WDFY3: variants seen among roughly 807,000 people sequenced by gnomAD.
WDFY3 encodes WD repeat and FYVE domain containing 3.
A neutral mutation model predicts 409.6 loss-of-function variants in WDFY3; 66 were observed. That is an observed-to-expected ratio of 0.16 (90% CI 0.13 to 0.20). The LOEUF is 0.20. Ranked by LOEUF, WDFY3 falls within the 10% of genes least tolerant of loss-of-function variation. WDFY3 has a pLI of 1.00. For synonymous variants in WDFY3, 1,521 were observed against 1,537.1 expected, an observed-to-expected ratio of 0.99 and a Z score of 0.25; for missense variants, 3,031 against 4,298.1, an observed-to-expected ratio of 0.71 and a Z score of 8.24.
In WDFY3 at chr4:84,892,811, T is replaced by C. The variant is rs576020201; in HGVS notation, c.-32+4100A>G. On this transcript the variant is annotated intron_variant, in intron 3 of 67. Transcript: ENST00000295888. The stretch of plus-strand genomic sequence containing the variant: ...AAAATAAACAAAGAAATCAATTATG[T>C]CTGATGGTTATGAAAATAATTCAGT... Among the ~76,000 whole-genome samples the C allele has an allele frequency of 3.3e-5, 5 of 152,332 alleles. No homozygotes were observed. The East Asian group carries it at 9.6e-4, about 29-fold the overall frequency.
chr4:84,721,653 T>TAC, intron 46 of WDFY3, 81 bp from the exon 47 acceptor site: 1 of 1,513,072 alleles, frequency 6.6e-7, no homozygotes, highest in Non-Finnish European at 8.8e-7. Flanking sequence ...TAGTTCCTTC[T>TAC]ATAGATTTCC....
intron 2 of WDFY3, among the ~76,000 whole-genome samples, chr4:84,898,566 C>T (rs1765941432): frequency 6.6e-6 from 1 of 152,164 alleles, no homozygotes; most frequent in Admixed American, 6.5e-5. Context: ...GTCTTCCCAC[C>T]TCCCTGATGT....
At chr4:84,891,656 T>G (rs1055656507) in intron 3 of WDFY3, among the ~76,000 whole-genome samples, 7 of 152,126 alleles carry the variant, frequency 4.6e-5, no homozygotes, top group African/African-American at 1.7e-4. Context: ...AAATAAAAAA[T>G]TATATAATGG....
chr4:84,893,351 A>G (rs758304821), intron 3 of WDFY3, among the ~76,000 whole-genome samples: 74 of 152,122 alleles, frequency 4.9e-4, no homozygotes, highest in Admixed American at 2.7e-3. Context: ...ATACTTCCCA[A>G]TTTGCTTCAA....
In WDFY3 at chr4:84,733,625, C is replaced by T; in HGVS notation, c.6994-16G>A. The T allele has an allele frequency of 1.3e-6, 2 of 1,589,936 alleles. No individual in the cohort carries two copies. Among genetic ancestry groups the T allele is most frequent in the Non-Finnish European group, 1.7e-6 (2 of 1,167,770 alleles). On this transcript the variant is annotated splice_polypyrimidine_tract_variant and intron_variant, in intron 43 of 67. Coordinates refer to ENST00000295888, the MANE Select transcript of WDFY3 (RefSeq NM_014991.6). ...TCTGCTGACGCTGACAGGAAAGAGT[C>T]CAGGTCGGTTTTCAAGCAAAAGCAG...
intron 47 of WDFY3, 82 bp downstream of exon 47, chr4:84,721,327 C>T: frequency 6.5e-7 from 1 of 1,541,024 alleles, no homozygotes; most frequent in East Asian, 2.3e-5. Context: ...ATTTACTTTC[C>T]ACAGCTACCC....
chr4:84,932,702 A>G (rs1328482620), intron 1 of WDFY3, among the ~76,000 whole-genome samples: 1 of 152,316 alleles, frequency 6.6e-6, no homozygotes, highest in Admixed American at 6.5e-5. Context: ...CTTCCAGTCC[A>G]GTACTCATTT....
chr4:84,808,195 C>T, intron 15 of WDFY3, 139 bp downstream of exon 15: 1 of 694,926 alleles, frequency 1.4e-6, no homozygotes. Flanking sequence ...CCCCCCAAAA[C>T]CCCAAAAGTA....
At chr4:84,825,173 T>C (rs1196300106) in intron 10 of WDFY3, among the ~76,000 whole-genome samples, 1 of 152,100 alleles carries the variant, frequency 6.6e-6, no homozygotes, top group South Asian at 2.1e-4. Flanking sequence ...TATTACAAAA[T>C]TAAATTGTTG....
intron 60 of WDFY3, 146 bp downstream of exon 60, chr4:84,691,485 A>AAAT: frequency 1.2e-6 from 1 of 822,714 alleles, no homozygotes; most frequent in Non-Finnish European, 1.9e-6. Flanking sequence ...TCCTTTCCCC[A>AAAT]AATAGGAAAG....
chr4:84,933,836 G>A (rs992147928), intron 1 of WDFY3, among the ~76,000 whole-genome samples: 2 of 152,122 alleles, frequency 1.3e-5, no homozygotes, highest in South Asian at 2.1e-4. Context: ...TTTCATCTAT[G>A]TTGTTGCAAA....
intron 64 of WDFY3, 101 bp from the exon 65 acceptor site, chr4:84,679,343 A>G (rs1726924359): frequency 4.2e-6 from 5 of 1,182,994 alleles, no homozygotes; most frequent in Non-Finnish European, 5.6e-6. Context: ...AAGCCTCTAT[A>G]GACATAATAT....
At chr4:84,825,867 T>C (rs1010323368) in intron 10 of WDFY3, among the ~76,000 whole-genome samples, 4 of 152,114 alleles carry the variant, frequency 2.6e-5, no homozygotes, top group African/African-American at 9.7e-5. Flanking sequence ...ATAAAAACTA[T>C]TAGAGGCCTC....
chr4:84,831,398 TAA>T lies in WDFY3; in HGVS notation c.769+13_769+14del. The T allele has an allele frequency of 1.3e-6, 2 of 1,541,618 alleles. No individual in the cohort carries two copies. The highest frequency in any genetic ancestry group is 1.8e-6 in the Non-Finnish European group (2 of 1,142,324). On this transcript the variant is annotated intron_variant, in intron 8 of 67. Transcript: ENST00000295888. Reference sequence around the variant, plus strand: ...AAGAAATTTAGAACACTTAAATATATAAAGAGATATTCACCATGAATATACTT... The same window carrying T: ...AAGAAATTTAGAACACTTAAATATATAGAGATATTCACCATGAATATACTT...
intron 1 of WDFY3, among the ~76,000 whole-genome samples, chr4:84,955,077 C>T (rs933677704): frequency 8.6e-5 from 13 of 152,028 alleles, no homozygotes; most frequent in Non-Finnish European, 1.5e-5. Context: ...GGGTGGCATG[C>T]CTGTAGTCTT....
chr4:84,844,415 T>A (rs1230813884), intron 5 of WDFY3: 1 of 1,281,604 alleles, frequency 7.8e-7, no homozygotes, highest in South Asian at 1.3e-5. Flanking sequence ...ATGCTTCTTT[T>A]CATTTGACAA....
In WDFY3 at chr4:84,786,075, C is replaced by T; in HGVS notation, c.3966G>A (p.Val1322=). ...CAGAGAGTGCATAGAGGCCAAATGA[C>T]ACTTTCTCCTCTGGTACTAATGACA... The part of the protein sequence containing the change: ...SPVSLVPEEK[V]SFGLYALSVS... Residue 1322 remains valine, a synonymous_variant, in exon 24 of 68, where the codon GTG becomes GTA. Transcript: ENST00000295888. The T allele has an allele frequency of 6.2e-7, 1 of 1,613,824 alleles. No individual in the cohort carries two copies. Among genetic ancestry groups the T allele is most frequent in the Non-Finnish European group, 8.5e-7 (1 of 1,179,860 alleles).
chr4:84,820,069 C>T lies in WDFY3; in HGVS notation c.1693+16G>A. 1.3e-6 allele frequency: 2 copies of T among 1,585,228 alleles called. No individual in the cohort carries two copies. Among genetic ancestry groups the T allele is most frequent in the Non-Finnish European group, 1.7e-6 (2 of 1,165,402 alleles). ...GGTAATCTCCCAAAGTATTTGCTTGCAGCTTTTTAAATTACCTGCATTTGT... is the reference window on the plus strand; with the variant it reads ...GGTAATCTCCCAAAGTATTTGCTTGTAGCTTTTTAAATTACCTGCATTTGT... On this transcript the variant is annotated intron_variant, in intron 12 of 67. Transcript: ENST00000295888.
intron 44 of WDFY3, among the ~76,000 whole-genome samples, chr4:84,732,218 A>G (rs1464432085): frequency 6.6e-6 from 1 of 152,180 alleles, no homozygotes; most frequent in Non-Finnish European, 1.5e-5. Context: ...CTTAATAACT[A>G]TCAGCAGGAG....
Sources: allele counts gnomAD v4.1 joint callset (sites outside exome capture counted in the v4.1 genomes callset), GRCh38; gene constraint gnomAD v4.1.1; transcripts MANE v1.5; gene names NCBI Gene and HGNC (gene_info 2026-07-23, HGNC 2026-07-21).